Variants in AKT3 observed in about 807,000 individuals in gnomAD.
The protein encoded by AKT3 is AKT serine/threonine kinase 3.
Under a neutral mutation model 65.3 loss-of-function variants are expected in AKT3, and 15 were observed. The observed-to-expected ratio is 0.23, with a 90% CI of 0.15 to 0.35. The LOEUF (loss-of-function observed/expected upper bound fraction) is 0.35. Among genes scored for constraint, AKT3 ranks in the 10% least tolerant of loss-of-function variants. AKT3 has a pLI of 1.00. For synonymous variants in AKT3, 206 were observed against 183.8 expected, an observed-to-expected ratio of 1.12 and a Z score of -0.98; for missense variants, 243 against 576.5, an observed-to-expected ratio of 0.42 and a Z score of 5.92.
At chr1:243,642,493 T>C (rs575495233) in intron 5 of AKT3, among the ~76,000 whole-genome samples, 1 of 152,076 alleles carries the variant, frequency 6.6e-6, no homozygotes, top group Admixed American at 6.5e-5. Flanking sequence ...GTATTTTTAG[T>C]AGAGACGGGG....
At chr1:243,676,308 T>C (rs1463969096) in intron 3 of AKT3, among the ~76,000 whole-genome samples, 2 of 152,108 alleles carry the variant, frequency 1.3e-5, no homozygotes, top group African/African-American at 2.4e-5. Context: ...CACAGATGGA[T>C]TTGTGAAACA....
intron 2 of AKT3, among the ~76,000 whole-genome samples, chr1:243,764,513 G>A (rs1443461494): frequency 1.3e-5 from 2 of 152,008 alleles, no homozygotes; most frequent in Non-Finnish European, 2.9e-5. Context: ...GGAAATAGCT[G>A]TATTTTTAAG....
chr1:243,507,091 C>T (rs1319692799), intron 13 of AKT3, among the ~76,000 whole-genome samples: 1 of 152,244 alleles, frequency 6.6e-6, no homozygotes, highest in Non-Finnish European at 1.5e-5. Flanking sequence ...AGTGTTTCTG[C>T]ACAGCAAACC....
intron 3 of AKT3, among the ~76,000 whole-genome samples, chr1:243,685,722 T>A (rs999276138): frequency 1.3e-5 from 2 of 152,064 alleles, no homozygotes; most frequent in African/African-American, 4.8e-5. Context: ...CTCTCACCAC[T>A]CCTATTCAAC....
At chr1:243,660,224 G>C (rs560654690) in intron 4 of AKT3, among the ~76,000 whole-genome samples, 3 of 151,926 alleles carry the variant, frequency 2.0e-5, no homozygotes, top group African/African-American at 7.2e-5. Context: ...TGTATGTGTC[G>C]AGGAATTTAT....
chr1:243,534,970 T>G (rs1027076833), intron 12 of AKT3, among the ~76,000 whole-genome samples: 10 of 151,382 alleles, frequency 6.6e-5, no homozygotes, highest in Admixed American at 1.3e-4. Context: ...AAAGATATAA[T>G]TAAAATTAGA....
chr1:243,777,599 C>T (rs961268575), intron 2 of AKT3, among the ~76,000 whole-genome samples: 1 of 152,116 alleles, frequency 6.6e-6, no homozygotes, highest in Admixed American at 6.5e-5. Context: ...AATCACACTG[C>T]TTGAATGAGA....
chr1:243,492,777 T>C (rs1367625481), intron 13 of AKT3, among the ~76,000 whole-genome samples: 1 of 151,564 alleles, frequency 6.6e-6, no homozygotes, highest in East Asian at 1.9e-4. Context: ...CTGGCTAATT[T>C]TGTATTTTTA....
intron 13 of AKT3, chr1:243,489,195 G>T: frequency 6.3e-7 from 1 of 1,595,322 alleles, no homozygotes; most frequent in Non-Finnish European, 8.5e-7. Flanking sequence ...TCTACAGGTG[G>T]ATCTTTTATG....
intron 2 of AKT3, among the ~76,000 whole-genome samples, chr1:243,723,649 A>G (rs1687045606): frequency 2.0e-5 from 3 of 152,178 alleles, no homozygotes; most frequent in African/African-American, 7.2e-5. Flanking sequence ...ACTGACGCCA[A>G]GCACTGTGAT....
At chr1:243,518,340 A>C (rs1670498251) in intron 12 of AKT3, among the ~76,000 whole-genome samples, 1 of 152,158 alleles carries the variant, frequency 6.6e-6, no homozygotes, top group Non-Finnish European at 1.5e-5. Flanking sequence ...CTTGTAAAAA[A>C]TTGCCTCAGT....
At chr1:243,559,505 A>C (rs1333997681) in intron 10 of AKT3, among the ~76,000 whole-genome samples, 1 of 152,160 alleles carries the variant, frequency 6.6e-6, no homozygotes, top group African/African-American at 2.4e-5. Flanking sequence ...CTAATTTGCC[A>C]TAAGAAACAA....
chr1:243,787,639 T>C (rs1691351025), intron 2 of AKT3, among the ~76,000 whole-genome samples: 1 of 152,216 alleles, frequency 6.6e-6, no homozygotes, highest in Non-Finnish European at 1.5e-5. Flanking sequence ...ATAATTTGTT[T>C]CTCATTTCTT....
intron 11 of AKT3, among the ~76,000 whole-genome samples, chr1:243,551,126 A>C (rs762626797): frequency 2.1e-4 from 32 of 152,108 alleles, no homozygotes; most frequent in Non-Finnish European, 3.8e-4. Context: ...ATACATAAGA[A>C]ATACCAAATA....
chr1:243,527,069 T>C (rs1007337040), intron 12 of AKT3, among the ~76,000 whole-genome samples: 8 of 152,156 alleles, frequency 5.3e-5, no homozygotes, highest in African/African-American at 7.2e-5. Flanking sequence ...CTGGGACAGA[T>C]ATGAAGATTA....
chr1:243,827,477 T>C (rs1572416407), intron 2 of AKT3, among the ~76,000 whole-genome samples: 2 of 152,314 alleles, frequency 1.3e-5, no homozygotes, highest in East Asian at 3.9e-4. Context: ...TTAGCTTTTC[T>C]ACTGGTTTGT....
At chr1:243,543,816 A>C (rs1672474288) in intron 12 of AKT3, among the ~76,000 whole-genome samples, 1 of 152,230 alleles carries the variant, frequency 6.6e-6, no homozygotes, top group Non-Finnish European at 1.5e-5. Flanking sequence ...GTAGAAACTC[A>C]AGATATGTGA....
chr1:243,592,268 G>A (rs1286389686), intron 8 of AKT3, among the ~76,000 whole-genome samples: 1 of 151,840 alleles, frequency 6.6e-6, no homozygotes, highest in East Asian at 1.9e-4. Context: ...CCAGGAGGCG[G>A]AGCTTGCAGT....
At chr1:243,648,680 C>T (rs140816656) in intron 4 of AKT3, among the ~76,000 whole-genome samples, 74 of 152,236 alleles carry the variant, frequency 4.9e-4, no homozygotes, top group African/African-American at 1.7e-3. Flanking sequence ...TTTGACAGAA[C>T]GCACCAATAA....
Sources: gnomAD v4.1 joint callset for allele counts (sites outside exome capture counted in the v4.1 genomes callset) on GRCh38, gnomAD v4.1.1 for gene constraint, MANE v1.5 for transcripts, NCBI Gene and HGNC (gene_info 2026-07-23, HGNC 2026-07-21) for gene names.